The following PDZRN4 variants were observed in gnomAD, a reference collection of about 807,000 sequenced individuals.
The protein encoded by PDZRN4 is PDZ domain-containing RING finger protein 4.
PDZRN4 carries 70 observed loss-of-function variants against 99.0 expected under a neutral mutation model. The observed-to-expected ratio is 0.71, with a 90% CI of 0.58 to 0.86. PDZRN4 has a LOEUF of 0.86. Ranked by LOEUF, PDZRN4 falls within the 40% of genes least tolerant of loss-of-function variation. The probability of loss-of-function intolerance (pLI) is 0.00; values close to 1 mark genes in which losing one functional copy is unlikely to be tolerated. For missense variants in PDZRN4, 1,474 were observed against 1,331.2 expected (o/e 1.11, Z -1.67); for synonymous variants, 551 against 501.6 (o/e 1.10, Z -1.32).
intron 3 of PDZRN4, among the ~76,000 whole-genome samples, chr12:41,470,195 C>G (rs901545481): frequency 6.6e-6 from 1 of 152,158 alleles, no homozygotes; most frequent in South Asian, 2.1e-4. Flanking sequence ...CAATTGAGAT[C>G]TCTACCTGTA....
chr12:41,559,784 A>T (rs1339984718), intron 7 of PDZRN4, among the ~76,000 whole-genome samples: 2 of 152,118 alleles, frequency 1.3e-5, no homozygotes, highest in East Asian at 3.9e-4. Context: ...GGTGGGAGGG[A>T]CCCAGTGTTA....
chr12:41,489,817 A>G (rs532242286), intron 3 of PDZRN4, among the ~76,000 whole-genome samples: 1 of 152,246 alleles, frequency 6.6e-6, no homozygotes, highest in African/African-American at 2.4e-5. Flanking sequence ...AGTTCAGCCA[A>G]TAGTTCTGGG....
At position 41,471,552 on chromosome 12, in the gene PDZRN4, A is replaced by G. The variant is rs1030219347; in HGVS notation, c.844-34904A>G. ...TTTATAATTTATTTATATAATTTCT[A>G]TAATAAATAGTAATTATTTATTCTA... On this transcript the variant is annotated intron_variant, in intron 3 of 9. Coordinates refer to ENST00000402685, the MANE Select transcript of PDZRN4 (RefSeq NM_001164595.2). 6.7e-5 allele frequency among the ~76,000 whole-genome samples: 10 copies of G among 149,462 alleles called. No individual in the cohort carries two copies. In the South Asian group the frequency reaches 1.7e-3, roughly 25 times the overall value.
intron 3 of PDZRN4, among the ~76,000 whole-genome samples, chr12:41,457,441 A>G (rs1379761): frequency 0.52 from 78,386 of 151,736 alleles, 20,750 homozygotes; most frequent in African/African-American, 0.65. Flanking sequence ...TTTAAAGACG[A>G]TTTTCTTTTA....
intron 3 of PDZRN4, among the ~76,000 whole-genome samples, chr12:41,497,415 G>A (rs188876287): frequency 1.6e-4 from 24 of 152,002 alleles, no homozygotes; most frequent in South Asian, 1.2e-3. Flanking sequence ...TCCTTGTTAC[G>A]TTTTAAATAC....
intron 3 of PDZRN4, among the ~76,000 whole-genome samples, chr12:41,429,507 T>C (rs1403506678): frequency 2.0e-5 from 3 of 152,206 alleles, no homozygotes; most frequent in Non-Finnish European, 2.9e-5. Context: ...CTCAGTGTGC[T>C]GTGAGCATCA....
At chr12:41,383,737 A>G (rs945485201) in intron 3 of PDZRN4, among the ~76,000 whole-genome samples, 1 of 152,214 alleles carries the variant, frequency 6.6e-6, no homozygotes, top group Admixed American at 6.5e-5. Context: ...ACATAATGAG[A>G]TATTTGTAGC....
At chr12:41,432,928 T>G in intron 3 of PDZRN4, among the ~76,000 whole-genome samples, 1 of 152,178 alleles carries the variant, frequency 6.6e-6, no homozygotes, top group African/African-American at 2.4e-5. Context: ...GACCGGTTTG[T>G]GCAGAACTAA....
At chr12:41,457,597 TCATGTGGTTATACCTA>T (rs1385060921) in intron 3 of PDZRN4, among the ~76,000 whole-genome samples, 1 of 152,190 alleles carries the variant, frequency 6.6e-6, no homozygotes, top group Non-Finnish European at 1.5e-5. Context: ...TCCATTTGAG[TCATGTGGTTATACCTA>T]CATTTTCTAG....
chr12:41,443,320 A>G (rs771528929), intron 3 of PDZRN4, among the ~76,000 whole-genome samples: 5 of 152,104 alleles, frequency 3.3e-5, no homozygotes, highest in Non-Finnish European at 7.4e-5. Context: ...AACTAAAATG[A>G]TGAAAGGGTT....
At chr12:41,549,932 G>A (rs1939023536) in intron 5 of PDZRN4, among the ~76,000 whole-genome samples, 1 of 152,136 alleles carries the variant, frequency 6.6e-6, no homozygotes, top group African/African-American at 2.4e-5. Flanking sequence ...AAAGACCATG[G>A]AGATAACTTT....
intron 3 of PDZRN4, among the ~76,000 whole-genome samples, chr12:41,469,802 C>T (rs905692937): frequency 6.6e-6 from 1 of 152,096 alleles, no homozygotes; most frequent in Non-Finnish European, 1.5e-5. Context: ...TGGTGGCGGG[C>T]ACCTGTAGTC....
chr12:41,567,644 G>T, intron 8 of PDZRN4, 139 bp from the exon 9 acceptor site: 1 of 412,232 alleles, frequency 2.4e-6, no homozygotes. Context: ...TTTCTGAGAG[G>T]TGAACTGTGG....
At chr12:41,221,520 T>G (rs576388087) in intron 3 of PDZRN4, among the ~76,000 whole-genome samples, 73 of 151,216 alleles carry the variant, frequency 4.8e-4, no homozygotes, top group African/African-American at 1.2e-3. Context: ...TTAGTGTGGG[T>G]TTTTTTTTAT....
intron 3 of PDZRN4, among the ~76,000 whole-genome samples, chr12:41,236,288 T>C (rs1455728418): frequency 1.3e-5 from 2 of 152,140 alleles, no homozygotes; most frequent in Non-Finnish European, 2.9e-5. Flanking sequence ...AGAAATCACC[T>C]TGAAGGAAGT....
At chr12:41,209,117 A>G (rs964945977) in intron 3 of PDZRN4, among the ~76,000 whole-genome samples, 3 of 151,768 alleles carry the variant, frequency 2.0e-5, no homozygotes, top group African/African-American at 7.3e-5. Flanking sequence ...TTTAATTTTT[A>G]TTTTGGAAAC....
intron 5 of PDZRN4, among the ~76,000 whole-genome samples, chr12:41,520,797 G>T (rs1938482205): frequency 6.6e-6 from 1 of 151,970 alleles, no homozygotes; most frequent in Non-Finnish European, 1.5e-5. Context: ...ATGAAGCACT[G>T]GATGGTAATA....
rs1020704165 is a variant in PDZRN4 at position 41,429,810 on chromosome 12, T to G, written c.844-76646T>G. Among the ~76,000 whole-genome samples, 13 of 151,552 alleles carry G rather than the reference T, an allele frequency of 8.6e-5. 1 individual carries two copies. Among genetic ancestry groups the G allele is most frequent in the Admixed American group, 7.2e-4 (11 of 15,218 alleles). ...GTGTTAGCTCTTATTTTTTAAAATG[T>G]CTACGTATTATCACTGCTGTACTTA... On this transcript the variant is annotated intron_variant, in intron 3 of 9. Coordinates refer to ENST00000402685, the MANE Select transcript of PDZRN4 (RefSeq NM_001164595.2).
chr12:41,327,500 G>T (rs1313701923), intron 3 of PDZRN4, among the ~76,000 whole-genome samples: 1 of 152,174 alleles, frequency 6.6e-6, no homozygotes, highest in Admixed American at 6.6e-5. Context: ...AGTGGTTTTA[G>T]CTGTGAACGT....
Sources: gnomAD v4.1 joint callset for allele counts (sites outside exome capture counted in the v4.1 genomes callset) on GRCh38, gnomAD v4.1.1 for gene constraint, MANE v1.5 for transcripts, NCBI Gene and HGNC (gene_info 2026-07-23, HGNC 2026-07-21) for gene names.